Variants in MEIOSIN observed in about 807,000 individuals in gnomAD.
MEIOSIN encodes meiosis initiator, also known as meiosis initiator protein.
Under a neutral mutation model 23.4 loss-of-function variants are expected in MEIOSIN, and 18 were observed. That is an observed-to-expected ratio of 0.77 (90% CI 0.53 to 1.14). MEIOSIN has a LOEUF of 1.14. Among genes scored for constraint, MEIOSIN ranks in the 50% most tolerant of loss-of-function variants. The pLI, the probability that MEIOSIN is intolerant of heterozygous loss-of-function variation, is 0.00. For missense variants in MEIOSIN, 428 were observed against 242.9 expected (o/e 1.76, Z -5.07); for synonymous variants, 187 against 100.6 (o/e 1.86, Z -5.14).
In MEIOSIN at chr19:45,753,917, C is replaced by T. The variant is rs1721786846; in HGVS notation, c.556+129C>T. On this transcript the variant is annotated intron_variant, in intron 6 of 14. Transcript: ENST00000457052. ...GCCGGGGTTCAACTCCCAGCTCCTC[C>T]TTGTATTAGCACTGAGGCCTCACAC... The T allele has an allele frequency of 5.0e-6, 3 of 602,780 alleles. No individual in the cohort carries two copies. The Admixed American group carries it at 8.8e-5, about 18-fold the overall frequency. 37.3% of individuals were successfully genotyped at this position (602,780 alleles called of 1,614,324 possible). A position where few individuals can be genotyped will look rare whatever the true frequency, so the allele number is the denominator to read the frequency against.
At chr19:45,754,842 C>T (rs943453885) in intron 7 of MEIOSIN, 118 bp downstream of exon 7, 21 of 631,564 alleles carry the variant, frequency 3.3e-5, no homozygotes, top group African/African-American at 1.1e-4. Flanking sequence ...TAGGAAACAC[C>T]GCCTCTTACT....
chr19:45,738,388 T>G (rs1476203234), intron 2 of MEIOSIN, among the ~76,000 whole-genome samples: 1 of 152,176 alleles, frequency 6.6e-6, no homozygotes, highest in East Asian at 1.9e-4. Flanking sequence ...GAAGCCAAGG[T>G]GGGCTGATCA....
rs568956682 is a variant in MEIOSIN, at chr19:45,764,481, A to G, written c.*363A>G. 1 of 208,922 alleles carries G rather than the reference A, an allele frequency of 4.8e-6. No homozygotes were observed. The highest frequency in any genetic ancestry group is 2.4e-5 in the African/African-American group (1 of 42,418). The allele number at this position is 208,922 out of a possible 1,614,324, so 12.9% of individuals were successfully genotyped here. On this transcript the variant is annotated 3_prime_UTR_variant, in exon 15 of 15. Coordinates refer to ENST00000457052, the MANE Select transcript of MEIOSIN (RefSeq NM_001310124.2). ...ACCCTACTCCTCCCTCTCCTGTTCT[A>G]TTTTTAGACTATTTATTGTTTTAAA...
rs1968822303 is a variant in MEIOSIN at position 45,756,056 on chromosome 19, A to G, written c.889A>G (p.Asn297Asp). ...QEDVARIHFL[N>D]KTQPHPRQKL... ...AGATGTGGCGAGGATCCATTTTCTC[A>G]ACAAGACCCAGCCCCATCCCAGGTA... Residue 297 changes from asparagine to aspartate, a missense_variant, in exon 8 of 15, where the codon AAC (asparagine) becomes GAC (aspartate). Asn to Asp is a conservative substitution (Grantham distance 23). Transcript: ENST00000457052. 2.8e-6 allele frequency: 2 copies of G among 702,828 alleles called. No individual in the cohort carries two copies. Among genetic ancestry groups the G allele is most frequent in the African/African-American group, 1.7e-5 (1 of 57,360 alleles). The allele number at this position is 702,828 out of a possible 1,614,324, so 43.5% of individuals were successfully genotyped here.
chr19:45,735,329 T>C (rs1189232229), intron 1 of MEIOSIN, 48 bp from the exon 2 acceptor site: 12 of 700,640 alleles, frequency 1.7e-5, no homozygotes, highest in Non-Finnish European at 3.1e-5. Context: ...CTGCCCATCC[T>C]TCCTGCAATC....
chr19:45,745,402 A>G (rs1968575688), intron 4 of MEIOSIN, 81 bp downstream of exon 4: 8 of 652,506 alleles, frequency 1.2e-5, no homozygotes. Context: ...CTCCTGGGAA[A>G]CCTGGACAGA....
At chr19:45,762,984 G>A (rs1211059062) in intron 13 of MEIOSIN, among the ~76,000 whole-genome samples, 1 of 152,176 alleles carries the variant, frequency 6.6e-6, no homozygotes, top group Non-Finnish European at 1.5e-5. Context: ...AAGGTTTTAA[G>A]CAAAGTCCTT....
intron 3 of MEIOSIN, 25 bp downstream of exon 3, chr19:45,739,755 T>C (rs1863713658): frequency 2.8e-6 from 2 of 703,298 alleles, no homozygotes; most frequent in Admixed American, 4.0e-5. Flanking sequence ...AAAGGGGGGA[T>C]TGGATGTTGG....
chr19:45,750,119 C>T (rs1968671535), intron 4 of MEIOSIN, among the ~76,000 whole-genome samples: 1 of 141,884 alleles, frequency 7.0e-6, no homozygotes, highest in Non-Finnish European at 1.5e-5. Context: ...CCAGGAAGGA[C>T]CCCATTCCCC....
At chr19:45,757,988 C>T (rs2146196842) in intron 9 of MEIOSIN, among the ~76,000 whole-genome samples, 1 of 146,310 alleles carries the variant, frequency 6.8e-6, no homozygotes, top group South Asian at 2.3e-4. Flanking sequence ...CCCCTGCTCC[C>T]GACCTCAGAA....
At chr19:45,759,645 C>A (rs544767729) in intron 11 of MEIOSIN, among the ~76,000 whole-genome samples, 155 bp downstream of exon 11, 1 of 152,234 alleles carries the variant, frequency 6.6e-6, no homozygotes, top group Admixed American at 6.5e-5. Flanking sequence ...CTTAAAACCG[C>A]CCCCCGACCC....
At position 45,764,279 on chromosome 19, in the gene MEIOSIN, T is replaced by G. The variant is rs559784486; in HGVS notation, c.*161T>G. 4 of 396,642 alleles carry G rather than the reference T, an allele frequency of 1.0e-5. No homozygotes were observed. Among genetic ancestry groups the G allele is most frequent in the African/African-American group, 8.2e-5 (4 of 48,718 alleles). 24.6% of individuals were successfully genotyped at this position (396,642 alleles called of 1,614,324 possible). On this transcript the variant is annotated 3_prime_UTR_variant, in exon 15 of 15. Coordinates refer to ENST00000457052, the MANE Select transcript of MEIOSIN (RefSeq NM_001310124.2). ...GGGGGCACTGATTAGCCCCAACCGC[T>G]GGGCACATTTGCCTGGAGCACCAGA...
intron 2 of MEIOSIN, among the ~76,000 whole-genome samples, chr19:45,738,943 C>T (rs986582773): frequency 2.0e-5 from 3 of 151,988 alleles, no homozygotes; most frequent in Non-Finnish European, 4.4e-5. Flanking sequence ...CTGTTAGTTG[C>T]GAAGAACAGA....
At chr19:45,740,409 T>G (rs989703079) in intron 3 of MEIOSIN, among the ~76,000 whole-genome samples, 10 of 152,264 alleles carry the variant, frequency 6.6e-5, no homozygotes, top group African/African-American at 2.4e-4. Flanking sequence ...GTCCCCTGCT[T>G]TGTCCCACTT....
intron 11 of MEIOSIN, among the ~76,000 whole-genome samples, chr19:45,761,161 G>A: frequency 6.8e-6 from 1 of 147,488 alleles, no homozygotes; most frequent in Non-Finnish European, 1.5e-5. Context: ...GTCTCACTCT[G>A]TCACCCAGGC....
intron 3 of MEIOSIN, among the ~76,000 whole-genome samples, chr19:45,741,742 C>T (rs184325256): frequency 6.6e-6 from 1 of 151,984 alleles, no homozygotes; most frequent in East Asian, 1.9e-4. Context: ...CCAATTCTTG[C>T]CCTCATGGAG....
At chr19:45,751,309 A>AATAATAATATAT (rs1444918304) in intron 5 of MEIOSIN, among the ~76,000 whole-genome samples, 1 of 146,892 alleles carries the variant, frequency 6.8e-6, no homozygotes, top group Non-Finnish European at 1.5e-5. Flanking sequence ...TAATAATAAT[A>AATAATAATATAT]ATATATACAT....
Position 45,756,062 on chromosome 19 carries a change from A to T in MEIOSIN, c.895A>T (p.Thr299Ser), listed in dbSNP as rs1431969358. 1 of 702,644 alleles carries T rather than the reference A, an allele frequency of 1.4e-6. No homozygotes were observed. The allele number at this position is 702,644 out of a possible 1,614,324, so 43.5% of individuals were successfully genotyped here. The change falls in exon 8 of 15, where the codon ACC becomes TCC. Residue 299 changes from threonine (T) to serine (S), a missense_variant. Thr to Ser is a moderately conservative substitution (Grantham distance 58). Coordinates refer to ENST00000457052, the MANE Select transcript of MEIOSIN (RefSeq NM_001310124.2). ...GGCGAGGATCCATTTTCTCAACAAG[A>T]CCCAGCCCCATCCCAGGTAAGGGCG... Reference protein sequence around the residue: ...DVARIHFLNKTQPHPRQKLVF... With the variant: ...DVARIHFLNKSQPHPRQKLVF...
chr19:45,745,451 T>G, intron 4 of MEIOSIN, 130 bp downstream of exon 4: 1 of 589,880 alleles, frequency 1.7e-6, no homozygotes, highest in Non-Finnish European at 3.0e-6. Flanking sequence ...ATGGTGCTAC[T>G]CTGAACGGGA....
Sources: allele counts gnomAD v4.1 joint callset (sites outside exome capture counted in the v4.1 genomes callset), GRCh38; gene constraint gnomAD v4.1.1; transcripts MANE v1.5; gene names NCBI Gene and HGNC (gene_info 2026-07-23, HGNC 2026-07-21).